The following EYA1 variants were observed in gnomAD, a reference collection of about 807,000 sequenced individuals.
EYA1 encodes protein phosphatase EYA1.
Under a neutral mutation model 82.0 loss-of-function variants are expected in EYA1, and 16 were observed. That is an observed-to-expected ratio of 0.20 (90% CI 0.13 to 0.30). The LOEUF (loss-of-function observed/expected upper bound fraction) is 0.30, where lower values mean the gene tolerates loss of function less well. EYA1 is among the 10% of genes least tolerant of loss of function. The probability of loss-of-function intolerance (pLI) is 1.00; values close to 1 mark genes in which losing one functional copy is unlikely to be tolerated. For missense variants in EYA1, 633 were observed against 730.7 expected (o/e 0.87, Z 1.54); for synonymous variants, 261 against 264.4 (o/e 0.99, Z 0.12).
intron 7 of EYA1, among the ~76,000 whole-genome samples, chr8:71,310,945 G>A (rs1316295379): frequency 6.6e-6 from 1 of 151,924 alleles, no homozygotes; most frequent in Non-Finnish European, 1.5e-5. Flanking sequence ...AAGCTATTAT[G>A]GAAAGCTGGG....
intron 2 of EYA1, among the ~76,000 whole-genome samples, chr8:71,503,466 C>A (rs1811964959): frequency 6.7e-6 from 1 of 150,238 alleles, no homozygotes. Flanking sequence ...GAGTAAGACT[C>A]CATCTCAAAA....
At chr8:71,240,117 G>C (rs998597710) in intron 12 of EYA1, among the ~76,000 whole-genome samples, 2 of 152,078 alleles carry the variant, frequency 1.3e-5, no homozygotes, top group Non-Finnish European at 2.9e-5. Context: ...TAAACCAAGG[G>C]ATAATCTTCT....
chr8:71,331,017 T>A (rs185866909), intron 4 of EYA1, among the ~76,000 whole-genome samples: 84 of 152,024 alleles, frequency 5.5e-4, no homozygotes, highest in African/African-American at 2.0e-3. Flanking sequence ...GATTACTAGG[T>A]CAAGAGATTG....
intron 2 of EYA1, among the ~76,000 whole-genome samples, chr8:71,407,070 A>T (rs1292501093): frequency 4.7e-5 from 5 of 105,442 alleles, no homozygotes; most frequent in East Asian, 2.2e-4. Flanking sequence ...CTGACCCCTG[A>T]CCCCCGAGCA....
chr8:71,324,393 C>T (rs943062811), intron 4 of EYA1, among the ~76,000 whole-genome samples: 1 of 152,258 alleles, frequency 6.6e-6, no homozygotes, highest in East Asian at 1.9e-4. Flanking sequence ...AATCCCACTT[C>T]TTCTATGTGG....
intron 11 of EYA1, among the ~76,000 whole-genome samples, chr8:71,268,557 A>T (rs1247322818): frequency 6.6e-6 from 1 of 152,180 alleles, no homozygotes; most frequent in Non-Finnish European, 1.5e-5. Context: ...CTATGGCCTT[A>T]TATTTTATAA....
chr8:71,395,253 T>C (rs1299781262), intron 2 of EYA1, among the ~76,000 whole-genome samples: 1 of 152,242 alleles, frequency 6.6e-6, no homozygotes, highest in African/African-American at 2.4e-5. Flanking sequence ...ACAATTTGAC[T>C]TCCTCTTTTC....
chr8:71,250,638 G>A (rs1431827266), intron 11 of EYA1, among the ~76,000 whole-genome samples: 3 of 152,130 alleles, frequency 2.0e-5, no homozygotes, highest in Non-Finnish European at 4.4e-5. Flanking sequence ...ATAGTGGGAG[G>A]CTCTGTTTCT....
chr8:71,272,834 A>G (rs993657733), intron 9 of EYA1, among the ~76,000 whole-genome samples: 2 of 152,194 alleles, frequency 1.3e-5, no homozygotes, highest in Non-Finnish European at 2.9e-5. Context: ...TTTCTGTACC[A>G]GATTTAGTTT....
chr8:71,248,986 T>C (rs1667710781), intron 11 of EYA1, among the ~76,000 whole-genome samples: 1 of 152,206 alleles, frequency 6.6e-6, no homozygotes, highest in South Asian at 2.1e-4. Flanking sequence ...CAATAACAAA[T>C]TCCAGAGCTG....
At chr8:71,355,908 A>G (rs1013071007) in intron 2 of EYA1, among the ~76,000 whole-genome samples, 9 of 152,126 alleles carry the variant, frequency 5.9e-5, no homozygotes, top group African/African-American at 1.9e-4. Context: ...TTATTTTCTT[A>G]CAGCCAATTT....
At chr8:71,262,774 A>C (rs918321057) in intron 11 of EYA1, among the ~76,000 whole-genome samples, 2 of 152,194 alleles carry the variant, frequency 1.3e-5, no homozygotes, top group Non-Finnish European at 2.9e-5. Flanking sequence ...AACCTTCAAG[A>C]TATGGCCAGA....
intron 2 of EYA1, among the ~76,000 whole-genome samples, chr8:71,490,676 T>G (rs1450660538): frequency 1.3e-5 from 2 of 152,222 alleles, no homozygotes; most frequent in African/African-American, 4.8e-5. Context: ...GAACCTATTG[T>G]GTAACATGTC....
intron 2 of EYA1, among the ~76,000 whole-genome samples, chr8:71,371,097 T>C (rs1006323814): frequency 8.5e-5 from 13 of 152,134 alleles, no homozygotes; most frequent in African/African-American, 3.1e-4. Context: ...TTGATGATAC[T>C]AGGTACTTCT....
At chr8:71,447,886 G>A (rs915147630) in intron 2 of EYA1, among the ~76,000 whole-genome samples, 5 of 152,260 alleles carry the variant, frequency 3.3e-5, no homozygotes, top group Admixed American at 6.5e-5. Context: ...GATGGAGGTT[G>A]CTGAAGGTTG....
intron 11 of EYA1, among the ~76,000 whole-genome samples, chr8:71,248,667 T>C (rs563353214): frequency 8.5e-5 from 13 of 152,230 alleles, no homozygotes; most frequent in Non-Finnish European, 1.8e-4. Flanking sequence ...GAAGGACAGA[T>C]AGATAATTCT....
chr8:71,355,271 T>C (rs1826749338), intron 2 of EYA1, among the ~76,000 whole-genome samples: 1 of 152,216 alleles, frequency 6.6e-6, no homozygotes, highest in Non-Finnish European at 1.5e-5. Flanking sequence ...ACCAAAGGCA[T>C]TACTTTTCTA....
In EYA1 at chr8:71,266,540, C is replaced by T. The variant is rs146135536; in HGVS notation, c.1050+3200G>A. 2.1e-3 allele frequency among the ~76,000 whole-genome samples: 324 copies of T among 152,264 alleles called. 1 individual carries two copies. Among genetic ancestry groups the T allele is most frequent in the African/African-American group, 7.4e-3 (306 of 41,544 alleles). On this transcript the variant is annotated intron_variant, in intron 11 of 17. Transcript: ENST00000340726. ...CTAAACCATGCATCTTCAAAAGTCA[C>T]CTGGCCAGGAAAAGACACCTCCAGG...
At chr8:71,331,328 C>A (rs1823835692) in intron 4 of EYA1, among the ~76,000 whole-genome samples, 4 of 149,364 alleles carry the variant, frequency 2.7e-5, no homozygotes, top group Non-Finnish European at 4.5e-5. Context: ...TTCTTAAAAA[C>A]AAAGAATTCT....
Sources: allele counts gnomAD v4.1 joint callset (sites outside exome capture counted in the v4.1 genomes callset), GRCh38; gene constraint gnomAD v4.1.1; transcripts MANE v1.5; gene names NCBI Gene and HGNC (gene_info 2026-07-23, HGNC 2026-07-21).